The following TJP2 variants were observed in gnomAD, a reference collection of about 807,000 sequenced individuals.
TJP2 encodes tight junction protein 2.
A neutral mutation model predicts 133.1 loss-of-function variants in TJP2; 91 were observed. The ratio of observed to expected loss-of-function variants is 0.68; its 90% CI spans 0.58 to 0.81. The LOEUF (loss-of-function observed/expected upper bound fraction) is 0.81. TJP2 is among the 40% of genes least tolerant of loss of function. The pLI is 0.00. For synonymous variants in TJP2, 592 were observed against 583.4 expected, an observed-to-expected ratio of 1.01 and a Z score of -0.21; for missense variants, 1,541 against 1,565.6, an observed-to-expected ratio of 0.98 and a Z score of 0.26.
At chr9:69,195,966 G>T (rs1826529095) in intron 1 of TJP2, among the ~76,000 whole-genome samples, 1 of 152,182 alleles carries the variant, frequency 6.6e-6, no homozygotes, top group South Asian at 2.1e-4. Flanking sequence ...TTTTGTTTGT[G>T]TGTTTGTTTT....
intron 1 of TJP2, chr9:69,122,087 C>G (rs537220196): frequency 1.3e-5 from 2 of 152,398 alleles, no homozygotes; most frequent in South Asian, 4.1e-4. Flanking sequence ...TGAACACGCA[C>G]CTGCGGCAGC....
chr9:69,219,567 T>G (rs1016939765), intron 4 of TJP2, among the ~76,000 whole-genome samples: 3 of 152,164 alleles, frequency 2.0e-5, no homozygotes, highest in African/African-American at 7.2e-5. Context: ...CAGTATTATC[T>G]AAAATCCAGT....
chr9:69,191,115 G>C (rs962409156), intron 1 of TJP2, among the ~76,000 whole-genome samples: 3 of 134,222 alleles, frequency 2.2e-5, no homozygotes, highest in African/African-American at 7.9e-5. Context: ...AAGGAAAAAG[G>C]GTTGGATCTG....
intron 2 of TJP2, among the ~76,000 whole-genome samples, chr9:69,163,016 CTTTAT>C (rs1451913762): frequency 0.016 from 2,217 of 140,352 alleles, 624 homozygotes; most frequent in Non-Finnish European, 0.027. Context: ...TAAAAAGTAT[CTTTAT>C]TTTATTTTAT....
chr9:69,251,451 C>T, intron 21 of TJP2, 87 bp downstream of exon 21: 2 of 1,402,870 alleles, frequency 1.4e-6, no homozygotes, highest in East Asian at 4.9e-5. Flanking sequence ...TTTGCTGCTG[C>T]TGCAGATGTG....
chr9:69,162,171 C>T (rs1202742062), intron 2 of TJP2, among the ~76,000 whole-genome samples: 2 of 146,326 alleles, frequency 1.4e-5, no homozygotes, highest in Admixed American at 6.8e-5. Context: ...TATATATATA[C>T]ATAAAGTATA....
chr9:69,156,979 G>T (rs932218481), intron 2 of TJP2, among the ~76,000 whole-genome samples: 19 of 152,126 alleles, frequency 1.2e-4, no homozygotes, highest in Non-Finnish European at 1.8e-4. Context: ...ACAGGCTTTA[G>T]AGAATAAACT....
At chr9:69,195,333 T>C (rs1403080899) in intron 1 of TJP2, among the ~76,000 whole-genome samples, 2 of 152,220 alleles carry the variant, frequency 1.3e-5, no homozygotes, top group Non-Finnish European at 2.9e-5. Context: ...TTCTTTGTAA[T>C]TACAAATAAG....
rs999674500 is a variant in TJP2, at chr9:69,194,267, T to G, written c.61-18281T>G. Among the ~76,000 whole-genome samples the G allele has an allele frequency of 5.9e-5, 9 of 152,200 alleles. No individual in the cohort carries two copies. The South Asian group carries it at 6.2e-4, about 10-fold the overall frequency. On this transcript the variant is annotated intron_variant, in intron 1 of 22. Transcript: ENST00000377245. ...TTTCACTGTTTTTGAAAATAAGTACTATTTTTTTCTTAATACCTGGCATTC... is the reference window on the plus strand; with the variant it reads ...TTTCACTGTTTTTGAAAATAAGTACGATTTTTTTCTTAATACCTGGCATTC...
intron 2 of TJP2, among the ~76,000 whole-genome samples, chr9:69,214,643 T>G (rs1017503475): frequency 3.9e-5 from 6 of 152,026 alleles, no homozygotes; most frequent in Non-Finnish European, 2.9e-5. Flanking sequence ...CAGAGACAGG[T>G]GGATCACAAG....
chr9:69,229,356 A>G, intron 10 of TJP2, 106 bp downstream of exon 10: 1 of 1,071,436 alleles, frequency 9.3e-7, no homozygotes, highest in Admixed American at 1.7e-5. Context: ...GATTTTGTAC[A>G]CTGTCAGCCA....
intron 6 of TJP2, 66 bp downstream of exon 6, chr9:69,225,473 C>A: frequency 9.5e-7 from 1 of 1,047,364 alleles, no homozygotes; most frequent in Non-Finnish European, 1.5e-6. Context: ...TGTCCACATT[C>A]AGCACCCACA....
chr9:69,163,868 C>G (rs953485088), intron 2 of TJP2, among the ~76,000 whole-genome samples: 2 of 152,084 alleles, frequency 1.3e-5, no homozygotes, highest in Admixed American at 6.5e-5. Flanking sequence ...GTAATGATGT[C>G]CCTTTAGCAG....
chr9:69,180,911 C>G (rs1825447698), intron 1 of TJP2, among the ~76,000 whole-genome samples: 1 of 152,128 alleles, frequency 6.6e-6, no homozygotes, highest in Non-Finnish European at 1.5e-5. Context: ...TGAGCCCCTC[C>G]CTGGTCTGAG....
At chr9:69,207,054 C>T (rs1294453553) in intron 1 of TJP2, among the ~76,000 whole-genome samples, 1 of 152,176 alleles carries the variant, frequency 6.6e-6, no homozygotes, top group East Asian at 1.9e-4. Flanking sequence ...CTGCCTCCTG[C>T]CCAGGTCACC....
chr9:69,254,703 A>G lies in TJP2; in HGVS notation c.*329A>G, dbSNP rs1831581055. ...ATATGTATATTAAGAAGCAATAACT[A>G]TTTTTCCTCATTAATAGCTGCCTTC... On this transcript the variant is annotated 3_prime_UTR_variant, in exon 23 of 23. Transcript: ENST00000377245. 8.8e-6 allele frequency: 5 copies of G among 565,186 alleles called. No homozygotes were observed. Among genetic ancestry groups the G allele is most frequent in the Admixed American group, 3.2e-5 (1 of 31,468 alleles). 35.0% of individuals were successfully genotyped at this position (565,186 alleles called of 1,614,324 possible).
At chr9:69,230,954 G>T (rs766836948) in intron 11 of TJP2, among the ~76,000 whole-genome samples, 4 of 152,074 alleles carry the variant, frequency 2.6e-5, no homozygotes, top group Non-Finnish European at 5.9e-5. Flanking sequence ...AAATTACTAT[G>T]TGTTTGTATA....
At chr9:69,250,845 A>G (rs186427482) in intron 20 of TJP2, among the ~76,000 whole-genome samples, 190 bp from the exon 21 acceptor site, 4 of 152,272 alleles carry the variant, frequency 2.6e-5, no homozygotes, top group Admixed American at 6.5e-5. Flanking sequence ...AGACTAGTAT[A>G]GGAAGGGAGG....
At chr9:69,160,825 C>CT (rs1315884298) in intron 2 of TJP2, among the ~76,000 whole-genome samples, 4 of 152,122 alleles carry the variant, frequency 2.6e-5, no homozygotes, top group African/African-American at 9.7e-5. Context: ...GGGAAACTCC[C>CT]TTTTTTAAAA....
Sources: gnomAD v4.1 joint callset for allele counts (sites outside exome capture counted in the v4.1 genomes callset) on GRCh38, gnomAD v4.1.1 for gene constraint, MANE v1.5 for transcripts, NCBI Gene and HGNC (gene_info 2026-07-23, HGNC 2026-07-21) for gene names.